WNT3: variants seen among roughly 807,000 people sequenced by gnomAD.
WNT3 encodes the protein Wnt family member 3.
A neutral mutation model predicts 34.2 loss-of-function variants in WNT3; 7 were observed. The ratio of observed to expected loss-of-function variants is 0.20; its 90% CI spans 0.12 to 0.38. The LOEUF (loss-of-function observed/expected upper bound fraction) is 0.38. Ranked by LOEUF, WNT3 falls within the 10% of genes least tolerant of loss-of-function variation. WNT3 has a pLI of 1.00. For synonymous variants in WNT3, 212 were observed against 211.5 expected, an observed-to-expected ratio of 1.00 and a Z score of -0.02; for missense variants, 267 against 499.8, an observed-to-expected ratio of 0.53 and a Z score of 4.44.
intron 1 of WNT3, among the ~76,000 whole-genome samples, chr17:46,817,189 G>T (rs947592258): frequency 5.3e-5 from 8 of 152,276 alleles, no homozygotes; most frequent in Middle Eastern, 3.4e-3. Context: ...TGGAAGACTC[G>T]GGGTGTGGCC....
intron 1 of WNT3, among the ~76,000 whole-genome samples, chr17:46,816,813 C>T (rs1439167987): frequency 6.6e-6 from 1 of 152,200 alleles, no homozygotes; most frequent in Non-Finnish European, 1.5e-5. Flanking sequence ...CCCCAACCCA[C>T]CAGAGTCTCT....
intron 1 of WNT3, among the ~76,000 whole-genome samples, chr17:46,781,043 ACATGGTGAAACCC>A (rs1454681219): frequency 1.3e-5 from 2 of 151,894 alleles, no homozygotes; most frequent in East Asian, 3.9e-4. Flanking sequence ...AGCCTGGCCA[ACATGGTGAAACCC>A]CATCTCTACT....
rs932424949 is a variant in WNT3, at chr17:46,797,013, G to A, written c.80+21505C>T. Among the ~76,000 whole-genome samples, 4 of 152,266 alleles carry A rather than the reference G, an allele frequency of 2.6e-5. No homozygotes were observed. The East Asian group carries it at 7.7e-4, about 29-fold the overall frequency. On this transcript the variant is annotated intron_variant, in intron 1 of 4. Transcript: ENST00000225512. ...TCTCGATCCCATTTTCCAAATGGGG[G>A]AAAATGGGAAAAGGGCTCCAAGGTT... is the stretch of plus-strand genomic sequence containing the variant.
chr17:46,805,013 C>A (rs1231944489), intron 1 of WNT3, among the ~76,000 whole-genome samples: 1 of 148,538 alleles, frequency 6.7e-6, no homozygotes, highest in East Asian at 2.0e-4. Flanking sequence ...ATAACTCTTG[C>A]TGTTGCTCAC....
Position 46,818,525 on chromosome 17 carries a change from T to C in WNT3, c.73A>G (p.Ile25Val), listed in dbSNP as rs778078174. ...GGTRVLAGYP[I>V]WWSLALGQQY... The stretch of plus-strand genomic sequence containing the variant: ...ACAAGAGGCGAGTCTTACCACCAAA[T>C]TGGGTAGCCAGCGAGGACCCTGGTG... Residue 25 changes from isoleucine to valine, a missense_variant, in exon 1 of 5, where the codon ATT (isoleucine) becomes GTT (valine). Around this residue, in one of 3 missense-constraint regions of WNT3, gnomAD observed 181 missense variants for 391.3 expected, o/e 0.46. Transcript: ENST00000225512. 12 of 1,606,890 alleles carry C rather than the reference T, an allele frequency of 7.5e-6. No homozygotes were observed. In the African/African-American group the frequency reaches 8.0e-5, roughly 11 times the overall value.
At chr17:46,802,752 G>C (rs1339726212) in intron 1 of WNT3, among the ~76,000 whole-genome samples, 1 of 152,236 alleles carries the variant, frequency 6.6e-6, no homozygotes, top group South Asian at 2.1e-4. Context: ...AACACGTGGA[G>C]GTTCCTGGAA....
At chr17:46,810,757 T>C (rs754397772) in intron 1 of WNT3, among the ~76,000 whole-genome samples, 2 of 152,026 alleles carry the variant, frequency 1.3e-5, no homozygotes, top group Non-Finnish European at 2.9e-5. Context: ...ACAGCCTCCA[T>C]GACTGCAATC....
intron 1 of WNT3, among the ~76,000 whole-genome samples, chr17:46,784,774 TTTC>T (rs1213664949): frequency 2.3e-5 from 2 of 86,290 alleles, no homozygotes; most frequent in African/African-American, 4.6e-5. Flanking sequence ...CCTTTTTGCT[TTTC>T]TTTTTTTTTT....
intron 4 of WNT3, among the ~76,000 whole-genome samples, chr17:46,766,610 G>A (rs375758945): frequency 2.8e-4 from 43 of 152,194 alleles, no homozygotes; most frequent in African/African-American, 1.0e-3. Context: ...TCCCCACCAG[G>A]ACAGAACTTG....
intron 2 of WNT3, among the ~76,000 whole-genome samples, chr17:46,772,140 G>C (rs1407928640): frequency 6.6e-6 from 1 of 152,162 alleles, no homozygotes; most frequent in Non-Finnish European, 1.5e-5. Flanking sequence ...CGCGAACCTG[G>C]GTTCAAGGTC....
At chr17:46,798,711 G>C (rs2084085176) in intron 1 of WNT3, among the ~76,000 whole-genome samples, 1 of 152,098 alleles carries the variant, frequency 6.6e-6, no homozygotes, top group Non-Finnish European at 1.5e-5. Flanking sequence ...CCATTAACTA[G>C]GGTGATATTA....
At chr17:46,807,312 A>G (rs1420405930) in intron 1 of WNT3, among the ~76,000 whole-genome samples, 1 of 152,154 alleles carries the variant, frequency 6.6e-6, no homozygotes, top group Non-Finnish European at 1.5e-5. Context: ...GTGAAATCCT[A>G]TCTCTACTGA....
At position 46,768,522 on chromosome 17, in the gene WNT3, T is replaced by A. The variant is rs749481789; in HGVS notation, c.866A>T (p.Glu289Val). 6.2e-7 allele frequency: 1 copy of A among 1,614,168 alleles called. No individual in the cohort carries two copies. Among genetic ancestry groups the A allele is most frequent in the Non-Finnish European group, 8.5e-7 (1 of 1,180,042 alleles). ...NSPNFCEPNP[E>V]TGSFGTRDRT... ...GTCCCTTGTGCCAAAGGAACCCGTC[T>A]CTGGGTTGGGCTCACAAAAGTTGGG... The change falls in exon 4 of 5, where the codon GAG (glutamate) becomes GTG (valine). Residue 289 changes from glutamate (E) to valine (V), a missense_variant. Physicochemically the swap from Glu to Val is moderately radical, Grantham distance 121. This residue lies in a region of WNT3 where 181 missense variants were observed against 391.3 expected (regional missense o/e 0.46). Transcript: ENST00000225512. The surrounding 1 kb of genome is among the most constrained non-coding windows in gnomAD (Gnocchi z 5.0).
chr17:46,814,457 A>G (rs2084314837), intron 1 of WNT3, among the ~76,000 whole-genome samples: 1 of 152,022 alleles, frequency 6.6e-6, no homozygotes, highest in South Asian at 2.1e-4. Flanking sequence ...GGTGAGCGGG[A>G]GGGCTGTTAA....
chr17:46,816,514 CACCT>C (rs1257066967), intron 1 of WNT3, among the ~76,000 whole-genome samples: 2 of 141,636 alleles, frequency 1.4e-5, no homozygotes, highest in African/African-American at 5.3e-5. Flanking sequence ...CACACACACA[CACCT>C]CTCTCCTTGG....
At chr17:46,815,270 G>A (rs1266529747) in intron 1 of WNT3, among the ~76,000 whole-genome samples, 1 of 152,174 alleles carries the variant, frequency 6.6e-6, no homozygotes, top group Non-Finnish European at 1.5e-5. Context: ...GTTGTTTCCT[G>A]TCCCGGCTCT....
intron 1 of WNT3, among the ~76,000 whole-genome samples, chr17:46,812,907 A>G (rs1335537429): frequency 6.6e-6 from 1 of 152,182 alleles, no homozygotes; most frequent in African/African-American, 2.4e-5. Context: ...TCAAAACCCT[A>G]TGAAATAGAG....
Position 46,768,293 on chromosome 17 carries a change from CT to C in WNT3, c.*8+18del, listed in dbSNP as rs760054322. 2 of 1,612,852 alleles carry C rather than the reference CT, an allele frequency of 1.2e-6. No homozygotes were observed. Among genetic ancestry groups the C allele is most frequent in the South Asian group, 2.2e-5 (2 of 91,070 alleles). ...TGCGCCCAGGCTCCCAGCCTCCCCC[CT>C]GCTTCCCGGAGCCCTACCTGGTGCC... On this transcript the variant is annotated intron_variant, in intron 4 of 4. Transcript: ENST00000225512. The surrounding 1 kb of genome is among the most constrained non-coding windows in gnomAD (Gnocchi z 5.0).
intron 1 of WNT3, among the ~76,000 whole-genome samples, chr17:46,777,827 G>T (rs566095914): frequency 6.6e-6 from 1 of 152,332 alleles, no homozygotes; most frequent in South Asian, 2.1e-4. Flanking sequence ...CTCCCAGTGT[G>T]ATGTCCTCTG....
Sources: gnomAD v4.1 joint callset for allele counts (sites outside exome capture counted in the v4.1 genomes callset) on GRCh38, gnomAD v4.1.1 for gene constraint, gnomAD v4.1.1 regional missense constraint, Gnocchi (gnomAD v3.1) non-coding constraint, MANE v1.5 for transcripts, NCBI Gene and HGNC (gene_info 2026-07-23, HGNC 2026-07-21) for gene names.